SMARCC1: variants seen among roughly 807,000 people sequenced by gnomAD.
SMARCC1 encodes the protein SWI/SNF complex subunit SMARCC1.
SMARCC1 carries 43 observed loss-of-function variants against 147.4 expected under a neutral mutation model. The observed-to-expected ratio is 0.29, with a 90% CI of 0.23 to 0.38. The LOEUF is 0.38. SMARCC1 is among the 10% of genes least tolerant of loss of function. SMARCC1 has a pLI of 1.00. For synonymous variants in SMARCC1, 495 were observed against 484.4 expected (o/e 1.02, Z -0.29); for missense variants, 1,119 against 1,381.1 (o/e 0.81, Z 3.01).
intron 3 of SMARCC1, among the ~76,000 whole-genome samples, chr3:47,742,159 C>T (rs992701847): frequency 6.6e-6 from 1 of 151,822 alleles, no homozygotes; most frequent in African/African-American, 2.4e-5. Flanking sequence ...ATTCCTCTTT[C>T]GGGTTGAAGC....
rs1297284838 is a variant in SMARCC1 at position 47,706,457 on chromosome 3, G to A, written c.992C>T (p.Pro331Leu). ...NARKRKHSPSPPPPTPTESRK... is the reference protein window; with the variant it reads ...NARKRKHSPSLPPPTPTESRK... ...TGATTCTGTTGGTGTCGGAGGGGGA[G>A]GCGAAGGCGAATGTTTCCTCTTTCG... The change falls in exon 10 of 28, where the codon CCT becomes CTT. Residue 331 changes from proline (P) to leucine (L), a missense_variant. Pro to Leu is a moderately conservative substitution (Grantham distance 98, BLOSUM62 -3). Coordinates refer to ENST00000254480, the MANE Select transcript of SMARCC1 (RefSeq NM_003074.4). 1.3e-6 allele frequency: 2 copies of A among 1,579,112 alleles called. No homozygotes were observed. Among genetic ancestry groups the A allele is most frequent in the African/African-American group, 1.4e-5 (1 of 72,326 alleles).
chr3:47,753,065 GC>G (rs2034645466), intron 2 of SMARCC1, among the ~76,000 whole-genome samples: 1 of 152,082 alleles, frequency 6.6e-6, no homozygotes, highest in Non-Finnish European at 1.5e-5. Context: ...ATAAATCTAG[GC>G]CGGGCACTAC....
intron 22 of SMARCC1, 27 bp downstream of exon 22, chr3:47,638,698 T>C (rs1370867504): frequency 6.3e-7 from 1 of 1,585,764 alleles, no homozygotes; most frequent in Middle Eastern, 1.7e-4. Flanking sequence ...GCATGCTATC[T>C]GTGGTTTTAC....
intron 21 of SMARCC1, among the ~76,000 whole-genome samples, chr3:47,660,144 AG>A (rs1269535802): frequency 6.6e-6 from 1 of 152,156 alleles, no homozygotes; most frequent in Non-Finnish European, 1.5e-5. Flanking sequence ...TTTTCATAGT[AG>A]TATAAAAGTG....
chr3:47,733,280 G>A (rs1179172421), intron 5 of SMARCC1, among the ~76,000 whole-genome samples: 1 of 152,032 alleles, frequency 6.6e-6, no homozygotes, highest in Non-Finnish European at 1.5e-5. Context: ...CAGGGCGGCT[G>A]CGGGGTGGTG....
intron 15 of SMARCC1, 144 bp downstream of exon 15, chr3:47,680,293 G>T: frequency 1.5e-6 from 1 of 674,892 alleles, no homozygotes; most frequent in Non-Finnish European, 2.6e-6. Flanking sequence ...ACCATGGAAT[G>T]CTATGCAAAT....
chr3:47,747,704 T>TG (rs1270326778), intron 2 of SMARCC1, among the ~76,000 whole-genome samples: 1 of 151,812 alleles, frequency 6.6e-6, no homozygotes, highest in Non-Finnish European at 1.5e-5. Context: ...CCCAGTACTC[T>TG]GGTTGAGAAA....
chr3:47,728,082 T>TTC lies in SMARCC1; in HGVS notation c.646+942_646+943insGA, dbSNP rs1553687841. Among the ~76,000 whole-genome samples the TTC allele has an allele frequency of 3.4e-5, 4 of 116,164 alleles. 1 individual carries two copies. Among genetic ancestry groups the TTC allele is most frequent in the African/African-American group, 1.4e-4 (4 of 29,454 alleles). The allele number at this position is 116,164 out of a possible 152,430, so 76.2% of individuals were successfully genotyped here. On this transcript the variant is annotated intron_variant, in intron 6 of 27. Transcript: ENST00000254480. ...ATTTAACCACCTTATTAGTCCCTTT[T>TTC]TTTTTTTTTTTTTTTTTTTTTTGAG...
Position 47,587,888 on chromosome 3 carries a change from G to T in SMARCC1, c.*321C>A. 3.1e-6 allele frequency: 1 copy of T among 319,074 alleles called. No homozygotes were observed. Among genetic ancestry groups the T allele is most frequent in the East Asian group, 7.5e-5 (1 of 13,340 alleles). The allele number at this position is 319,074 out of a possible 1,614,324, so 19.8% of individuals were successfully genotyped here. A position where few individuals can be genotyped will look rare whatever the true frequency, so the allele number is the denominator to read the frequency against. ...ACTGCAAGAGAGCAAAAATGGTAAA[G>T]ACATAGCATGCTAAAGTTGACAGGA... On this transcript the variant is annotated 3_prime_UTR_variant, in exon 28 of 28. Coordinates refer to ENST00000254480, the MANE Select transcript of SMARCC1 (RefSeq NM_003074.4).
chr3:47,632,128 A>T (rs534884960), intron 24 of SMARCC1, among the ~76,000 whole-genome samples: 31 of 152,268 alleles, frequency 2.0e-4, no homozygotes, highest in Non-Finnish European at 3.7e-4. Context: ...TTTGTATGGA[A>T]TAGTGAAGGG....
In SMARCC1 at chr3:47,714,401, G is replaced by T; in HGVS notation, c.792+14C>A. ...AAAAGATTATTGTAAGATTTTTTTT[G>T]TTAAATCATTTACCTTCCATGGTTT... On this transcript the variant is annotated intron_variant, in intron 8 of 27. Coordinates refer to ENST00000254480, the MANE Select transcript of SMARCC1 (RefSeq NM_003074.4). 1 of 1,489,576 alleles carries T rather than the reference G, an allele frequency of 6.7e-7. No individual in the cohort carries two copies. Among genetic ancestry groups the T allele is most frequent in the Non-Finnish European group, 9.3e-7 (1 of 1,077,188 alleles). The allele number at this position is 1,489,576 out of a possible 1,614,324, so 92.3% of individuals were successfully genotyped here.
rs1227809120 is a variant in SMARCC1 at position 47,600,117 on chromosome 3, C to A, written c.3044-9280G>T. Among the ~76,000 whole-genome samples, 3 of 152,194 alleles carry A rather than the reference C, an allele frequency of 2.0e-5. No individual in the cohort carries two copies. In the East Asian group the frequency reaches 5.8e-4, roughly 29 times the overall value. ...ATTCTAAAGCCTTGTGAAAAAGATTCTTTATCCTATTGTCACAAACAAGGT... is the reference window on the plus strand; with the variant it reads ...ATTCTAAAGCCTTGTGAAAAAGATTATTTATCCTATTGTCACAAACAAGGT... On this transcript the variant is annotated intron_variant, in intron 26 of 27. Coordinates refer to ENST00000254480, the MANE Select transcript of SMARCC1 (RefSeq NM_003074.4).
chr3:47,767,588 G>A (rs910601513), intron 2 of SMARCC1, among the ~76,000 whole-genome samples: 1 of 145,858 alleles, frequency 6.9e-6, no homozygotes, highest in African/African-American at 2.5e-5. Context: ...TAGTGAACTC[G>A]GCCGGGTGCG....
intron 12 of SMARCC1, 89 bp from the exon 13 acceptor site, chr3:47,689,513 G>C: frequency 9.2e-7 from 1 of 1,083,940 alleles, no homozygotes. Flanking sequence ...AACTGATACT[G>C]GACAGAGAAA....
chr3:47,762,399 G>A (rs2034783434), intron 2 of SMARCC1, among the ~76,000 whole-genome samples: 1 of 152,188 alleles, frequency 6.6e-6, no homozygotes, highest in African/African-American at 2.4e-5. Flanking sequence ...GACTGATCCA[G>A]TTGGTGAGAA....
chr3:47,741,560 C>G (rs1010461277), intron 3 of SMARCC1, among the ~76,000 whole-genome samples: 5 of 151,344 alleles, frequency 3.3e-5, no homozygotes, highest in African/African-American at 9.7e-5. Flanking sequence ...AACAGCCTTT[C>G]TCTTTTCCCT....
At chr3:47,633,775 T>TACACACACACACAC (rs778383062) in intron 24 of SMARCC1, among the ~76,000 whole-genome samples, 1 of 18,638 alleles carries the variant, frequency 5.4e-5, no homozygotes, top group African/African-American at 9.5e-5. Flanking sequence ...TATATATATA[T>TACACACACACACAC]ATATACACAC....
chr3:47,768,722 T>C (rs188320685), intron 2 of SMARCC1, among the ~76,000 whole-genome samples: 18 of 152,260 alleles, frequency 1.2e-4, no homozygotes, highest in African/African-American at 4.1e-4. Context: ...ACTTTAGCTG[T>C]AAAGGAACAT....
chr3:47,693,838 T>C (rs1298445615), intron 11 of SMARCC1, among the ~76,000 whole-genome samples: 1 of 152,168 alleles, frequency 6.6e-6, no homozygotes, highest in Non-Finnish European at 1.5e-5. Flanking sequence ...AATTTTTGTA[T>C]TTTTTATAGA....
Sources: allele counts gnomAD v4.1 joint callset (sites outside exome capture counted in the v4.1 genomes callset), GRCh38; gene constraint gnomAD v4.1.1; transcripts MANE v1.5; gene names NCBI Gene and HGNC (gene_info 2026-07-23, HGNC 2026-07-21).